ATG3: variants seen among roughly 807,000 people sequenced by gnomAD.
ATG3 encodes ubiquitin-like-conjugating enzyme ATG3.
Under a neutral mutation model 50.7 loss-of-function variants are expected in ATG3, and 25 were observed. The ratio of observed to expected loss-of-function variants is 0.49; its 90% confidence interval spans 0.36 to 0.69. ATG3 has a LOEUF of 0.69. Ranked by LOEUF, ATG3 falls within the 30% of genes least tolerant of loss-of-function variation. The probability of loss-of-function intolerance (pLI) is 0.00; values close to 1 mark genes in which losing one functional copy is unlikely to be tolerated. For missense variants in ATG3, 281 were observed against 376.0 expected (o/e 0.75, Z 2.09); for synonymous variants, 119 against 125.5 (o/e 0.95, Z 0.34).
chr3:112,541,396 A>G (rs1425461358), intron 7 of ATG3, among the ~76,000 whole-genome samples: 1 of 152,030 alleles, frequency 6.6e-6, no homozygotes, highest in Non-Finnish European at 1.5e-5. Context: ...AAAAAGAAAA[A>G]AAAAAGGCCC....
chr3:112,536,763 T>C (rs1050246642), intron 9 of ATG3, 161 bp from the exon 10 acceptor site: 20 of 621,952 alleles, frequency 3.2e-5, no homozygotes, highest in African/African-American at 3.2e-4. Context: ...CTACTAAGAA[T>C]ATAAAAAATT....
chr3:112,552,659 T>G (rs1259691548), intron 3 of ATG3, among the ~76,000 whole-genome samples: 7 of 150,088 alleles, frequency 4.7e-5, no homozygotes, highest in Admixed American at 4.6e-4. Flanking sequence ...ATTTTTTTTT[T>G]TTTTTGAGAC....
At chr3:112,533,344 A>G (rs1380373591) in intron 11 of ATG3, 1 of 985,176 alleles carries the variant, frequency 1.0e-6, no homozygotes, top group South Asian at 4.7e-5. Flanking sequence ...ACCAATTACT[A>G]TTATGAATTA....
intron 1 of ATG3, among the ~76,000 whole-genome samples, chr3:112,558,739 T>C (rs921627524): frequency 1.9e-4 from 27 of 138,532 alleles, no homozygotes; most frequent in Non-Finnish European, 3.3e-4. Flanking sequence ...AGAAACATTC[T>C]TTTTTTTTTT....
intron 2 of ATG3, among the ~76,000 whole-genome samples, chr3:112,553,534 T>C (rs1464159924): frequency 2.0e-5 from 3 of 152,180 alleles, no homozygotes; most frequent in Non-Finnish European, 4.4e-5. Context: ...TTTTCTAATG[T>C]CCATAAAAAA....
chr3:112,561,100 G>A (rs76941182), intron 1 of ATG3, among the ~76,000 whole-genome samples: 7 of 152,182 alleles, frequency 4.6e-5, no homozygotes, highest in African/African-American at 1.4e-4. Context: ...TTTTTAAAGA[G>A]AAGCAAAATC....
intron 2 of ATG3, chr3:112,558,157 T>G: frequency 3.8e-6 from 2 of 526,820 alleles, no homozygotes; most frequent in Non-Finnish European, 3.4e-6. Flanking sequence ...CATTTCTAAA[T>G]AAAGAGGAAC....
At chr3:112,534,107 A>G (rs2082574615) in intron 11 of ATG3, 162 bp downstream of exon 11, 1 of 1,394,476 alleles carries the variant, frequency 7.2e-7, no homozygotes, top group African/African-American at 1.5e-5. Context: ...TAACTATCAC[A>G]ATATAACATT....
chr3:112,548,119 C>T (rs372974207), intron 5 of ATG3, among the ~76,000 whole-genome samples: 9 of 152,162 alleles, frequency 5.9e-5, no homozygotes, highest in African/African-American at 2.2e-4. Context: ...TTTGGGAGGC[C>T]GAGGCAGCCA....
At position 112,532,670 on chromosome 3, in the gene ATG3, T is replaced by C. The variant is rs1475939171; in HGVS notation, c.*29A>G. ...TTAATTCTTTAAAAATCAGAACCAATAATTAGGATAGATTTTATGCTCTCT... is the reference window on the plus strand; with the variant it reads ...TTAATTCTTTAAAAATCAGAACCAACAATTAGGATAGATTTTATGCTCTCT... On this transcript the variant is annotated 3_prime_UTR_variant, in exon 12 of 12. Transcript: ENST00000283290. The C allele has an allele frequency of 6.7e-7, 1 of 1,487,520 alleles. No individual in the cohort carries two copies. Among genetic ancestry groups the C allele is most frequent in the Non-Finnish European group, 9.1e-7 (1 of 1,101,206 alleles). 92.1% of individuals were successfully genotyped at this position (1,487,520 alleles called of 1,614,324 possible). A position where few individuals can be genotyped will look rare whatever the true frequency, so the allele number is the denominator to read the frequency against.
rs71631400 is a variant in ATG3, at chr3:112,549,798, C to CAA, written c.235+392_235+393dup. 7.5e-3 allele frequency among the ~76,000 whole-genome samples: 875 copies of CAA among 116,584 alleles called. 10 individuals are homozygous for CAA. Among genetic ancestry groups the CAA allele is most frequent in the Middle Eastern group, 0.014 (3 of 214 alleles). 76.5% of individuals were successfully genotyped at this position (116,584 alleles called of 152,430 possible). ...AAGTGAGACTCTGTCTCAAAACAACCAAAAAAAAAAAAAAAAAAACCACTA... is the reference window on the plus strand; with the variant it reads ...AAGTGAGACTCTGTCTCAAAACAACCAAAAAAAAAAAAAAAAAAAAACCACTA... On this transcript the variant is annotated intron_variant, in intron 4 of 11. Coordinates refer to ENST00000283290, the MANE Select transcript of ATG3 (RefSeq NM_022488.5).
At chr3:112,541,475 T>C (rs1022916908) in intron 7 of ATG3, among the ~76,000 whole-genome samples, 2 of 152,120 alleles carry the variant, frequency 1.3e-5, no homozygotes, top group Non-Finnish European at 2.9e-5. Context: ...AAATACAAAA[T>C]GCATAATAAG....
chr3:112,543,919 G>T, intron 6 of ATG3, 138 bp downstream of exon 6: 1 of 560,440 alleles, frequency 1.8e-6, no homozygotes, highest in South Asian at 3.8e-5. Context: ...GAAAACAGCT[G>T]GAATTTAAAA....
intron 10 of ATG3, chr3:112,534,809 T>C (rs1932980710): frequency 6.7e-6 from 1 of 150,248 alleles, no homozygotes; most frequent in South Asian, 2.1e-4. Context: ...ATGGTATCAG[T>C]TGGACAAAAA....
chr3:112,543,261 G>A (rs978593368), intron 6 of ATG3, among the ~76,000 whole-genome samples: 3 of 151,878 alleles, frequency 2.0e-5, no homozygotes, highest in South Asian at 4.1e-4. Context: ...TTAAGACAAG[G>A]GTGAAAGCAT....
At chr3:112,551,660 TGAA>T (rs66747358) in intron 3 of ATG3, among the ~76,000 whole-genome samples, 10,214 of 152,138 alleles carry the variant, frequency 0.067, 427 homozygotes, top group Admixed American at 0.12. Context: ...GAAATCTCAA[TGAA>T]GAAAATGCTT....
At chr3:112,555,984 C>T (rs1933659617) in intron 2 of ATG3, among the ~76,000 whole-genome samples, 2 of 152,200 alleles carry the variant, frequency 1.3e-5, no homozygotes, top group Admixed American at 1.3e-4. Flanking sequence ...GTCATCTTCA[C>T]AGAGGAAATA....
At chr3:112,544,541 C>T (rs951440672) in intron 5 of ATG3, among the ~76,000 whole-genome samples, 14 of 150,736 alleles carry the variant, frequency 9.3e-5, no homozygotes, top group African/African-American at 3.2e-4. Context: ...GTAGTCCCCG[C>T]TACTTGGGAG....
rs529174882 is a variant in ATG3 at position 112,547,327 on chromosome 3, C to A, written c.343+1206G>T. 5.9e-4 allele frequency among the ~76,000 whole-genome samples: 90 copies of A among 151,988 alleles called. 1 individual carries two copies. Among genetic ancestry groups the A allele is most frequent in the African/African-American group, 2.1e-3 (89 of 41,412 alleles). On this transcript the variant is annotated intron_variant, in intron 5 of 11. Transcript: ENST00000283290. ...GATATACCTCCTAATCTCTAGGACT[C>A]GAAGGGAGAAAAACATATTTAGTAT...
Sources: allele counts gnomAD v4.1 joint callset (sites outside exome capture counted in the v4.1 genomes callset), GRCh38; gene constraint gnomAD v4.1.1; transcripts MANE v1.5; gene names NCBI Gene and HGNC (gene_info 2026-07-23, HGNC 2026-07-21).